The following UNC13C variants were observed in gnomAD, a reference collection of about 807,000 sequenced individuals.
UNC13C encodes the protein unc-13 homolog C.
Under a neutral mutation model 245.4 loss-of-function variants are expected in UNC13C, and 174 were observed. That is an observed-to-expected ratio of 0.71 (90% confidence interval 0.63 to 0.80). The LOEUF is 0.80. Ranked by LOEUF, UNC13C falls within the 30% of genes least tolerant of loss-of-function variation. The probability of loss-of-function intolerance (pLI) is 0.00; values close to 1 mark genes in which losing one functional copy is unlikely to be tolerated. For synonymous variants in UNC13C, 992 were observed against 895.1 expected (o/e 1.11, Z -1.93); for missense variants, 2,829 against 2,602.9 (o/e 1.09, Z -1.89).
chr15:54,203,773 TAC>T (rs745946777), intron 4 of UNC13C, among the ~76,000 whole-genome samples: 13 of 108,080 alleles, frequency 1.2e-4, no homozygotes, highest in East Asian at 9.2e-4. Context: ...TATGTATATA[TAC>T]ACACACATAT....
At chr15:53,884,678 T>A in the UNC13C span, among the ~76,000 whole-genome samples, 2 of 152,272 alleles carry the variant, frequency 1.3e-5, no homozygotes, top group Admixed American at 1.3e-4. Context: ...TCCATTCTGC[T>A]CTTTGAATAT....
chr15:54,061,557 A>G (rs928339219), intron 2 of UNC13C, among the ~76,000 whole-genome samples: 2 of 152,138 alleles, frequency 1.3e-5, no homozygotes, highest in East Asian at 1.9e-4. Context: ...TCCAAATCCA[A>G]ACCTTGGAAT....
chr15:54,393,457 A>G (rs1225417900), intron 18 of UNC13C, among the ~76,000 whole-genome samples: 1 of 151,766 alleles, frequency 6.6e-6, no homozygotes. Flanking sequence ...ACATCCTTTC[A>G]TAGCTATACC....
At chr15:53,874,291 C>G in the UNC13C span, among the ~76,000 whole-genome samples, 1 of 150,662 alleles carries the variant, frequency 6.6e-6, no homozygotes, top group African/African-American at 2.5e-5. Flanking sequence ...TTAATTTAAT[C>G]CCCCTAACAA....
At chr15:54,094,633 G>A (rs904948669) in intron 2 of UNC13C, among the ~76,000 whole-genome samples, 1 of 152,110 alleles carries the variant, frequency 6.6e-6, no homozygotes, top group Non-Finnish European at 1.5e-5. Context: ...AGATCCCACT[G>A]ACTTTTATTC....
intron 19 of UNC13C, among the ~76,000 whole-genome samples, chr15:54,486,503 G>C (rs1273852158): frequency 6.6e-6 from 1 of 151,638 alleles, no homozygotes; most frequent in Admixed American, 6.6e-5. Context: ...GTTCATAGTA[G>C]AATAGTCAAT....
At chr15:54,484,208 G>C (rs1018680730) in intron 19 of UNC13C, among the ~76,000 whole-genome samples, 1 of 152,172 alleles carries the variant, frequency 6.6e-6, no homozygotes, top group Non-Finnish European at 1.5e-5. Flanking sequence ...ATTATAGTGG[G>C]AGACATGGTC....
chr15:54,270,073 A>G (rs2036646349), intron 10 of UNC13C, among the ~76,000 whole-genome samples: 1 of 152,120 alleles, frequency 6.6e-6, no homozygotes, highest in African/African-American at 2.4e-5. Context: ...CTGAATTCTG[A>G]GATTTTATTC....
At chr15:54,008,629 T>C (rs1350345893) in intron 1 of UNC13C, among the ~76,000 whole-genome samples, 5 of 152,216 alleles carry the variant, frequency 3.3e-5, no homozygotes, top group Non-Finnish European at 5.9e-5. Context: ...GATGATGTTA[T>C]CTTTGCGTTC....
the UNC13C span, among the ~76,000 whole-genome samples, chr15:53,848,450 T>C: frequency 6.6e-6 from 1 of 152,204 alleles, no homozygotes; most frequent in African/African-American, 2.4e-5. Context: ...TATTCTGTTT[T>C]ATTGCTCAAT....
chr15:53,980,791 C>A (rs1893895949), intron 1 of UNC13C, among the ~76,000 whole-genome samples: 1 of 152,108 alleles, frequency 6.6e-6, no homozygotes, highest in Admixed American at 6.6e-5. Context: ...TTAGCAAAGC[C>A]TAGAGAAATC....
At chr15:53,928,921 A>T in the UNC13C span, among the ~76,000 whole-genome samples, 1 of 152,242 alleles carries the variant, frequency 6.6e-6, no homozygotes, top group Admixed American at 6.5e-5. Context: ...CCTTGAAGAC[A>T]GTGGTGATGA....
chr15:54,281,385 A>G lies in UNC13C; in HGVS notation c.3819-12510A>G, dbSNP rs77746029. Among the ~76,000 whole-genome samples, 236 of 152,334 alleles carry G rather than the reference A, an allele frequency of 1.5e-3. 2 individuals are homozygous for G. In the East Asian group the frequency reaches 0.024, roughly 15 times the overall value. Reference sequence around the variant, plus strand: ...ACACAAATGCTAAGATCTTTCAGAAAAGGACAAAGAAATACTGAAAGGACT... The same window carrying G: ...ACACAAATGCTAAGATCTTTCAGAAGAGGACAAAGAAATACTGAAAGGACT... On this transcript the variant is annotated intron_variant, in intron 10 of 32. Coordinates refer to ENST00000260323, the MANE Select transcript of UNC13C (RefSeq NM_001080534.3).
intron 24 of UNC13C, among the ~76,000 whole-genome samples, chr15:54,518,758 C>T (rs1170962133): frequency 2.0e-5 from 3 of 152,084 alleles, no homozygotes; most frequent in Non-Finnish European, 2.9e-5. Context: ...ATATTCACAT[C>T]GCTGAGCAGT....
chr15:54,395,580 G>C (rs1161860815), intron 18 of UNC13C, among the ~76,000 whole-genome samples: 1 of 151,872 alleles, frequency 6.6e-6, no homozygotes, highest in Non-Finnish European at 1.5e-5. Flanking sequence ...GCTAAAAGTA[G>C]CTTGGGTTTT....
In UNC13C at chr15:54,508,484, TTTCTGTAGG is replaced by T. The variant is rs746502553; in HGVS notation, c.5379+1293_5379+1301del. ...ATTTATTATATTATTCTATGTACTC[TTTCTGTAGG>T]TTTTATACTTGGAAAAATTAAATCT... On this transcript the variant is annotated intron_variant, in intron 23 of 32. Transcript: ENST00000260323. Among the ~76,000 whole-genome samples the T allele has an allele frequency of 7.4e-4, 113 of 152,124 alleles. 1 individual carries two copies. Among genetic ancestry groups the T allele is most frequent in the Non-Finnish European group, 4.0e-4 (27 of 68,006 alleles).
chr15:54,488,361 C>T (rs912900266), intron 19 of UNC13C, among the ~76,000 whole-genome samples: 1 of 152,090 alleles, frequency 6.6e-6, no homozygotes, highest in Admixed American at 6.5e-5. Flanking sequence ...ATATTACCAC[C>T]TATTAGAGCT....
At chr15:54,360,684 A>T (rs951351960) in intron 17 of UNC13C, among the ~76,000 whole-genome samples, 6 of 151,998 alleles carry the variant, frequency 3.9e-5, no homozygotes, top group African/African-American at 9.7e-5. Context: ...CTCAGCCTTT[A>T]TTTGCCTGGG....
At chr15:54,254,301 C>T (rs1248440726) in intron 8 of UNC13C, among the ~76,000 whole-genome samples, 1 of 152,154 alleles carries the variant, frequency 6.6e-6, no homozygotes, top group African/African-American at 2.4e-5. Context: ...TGGTATTTTT[C>T]CTGGACTCAA....
Sources: allele counts gnomAD v4.1 joint callset (sites outside exome capture counted in the v4.1 genomes callset), GRCh38; gene constraint gnomAD v4.1.1; transcripts MANE v1.5; gene names NCBI Gene and HGNC (gene_info 2026-07-23, HGNC 2026-07-21).